The following CYP4A22 variants were observed in gnomAD, a reference collection of about 807,000 sequenced individuals.
CYP4A22 encodes the protein cytochrome P450 4A22.
Under a neutral mutation model 56.2 loss-of-function variants are expected in CYP4A22, and 46 were observed. The ratio of observed to expected loss-of-function variants is 0.82; its 90% confidence interval spans 0.65 to 1.05. The LOEUF (loss-of-function observed/expected upper bound fraction) is 1.05. CYP4A22 is among the 50% of genes least tolerant of loss of function. The pLI is 0.00. For missense variants in CYP4A22, 541 were observed against 645.9 expected, an observed-to-expected ratio of 0.84 and a Z score of 1.76; for synonymous variants, 193 against 251.1, an observed-to-expected ratio of 0.77 and a Z score of 2.19.
chr1:47,142,022 T>G, intron 3 of CYP4A22, 86 bp from the exon 4 acceptor site: 1 of 1,523,764 alleles, frequency 6.6e-7, no homozygotes. Flanking sequence ...GGAAGCCACC[T>G]TTCTCCCTCC....
chr1:47,144,673 C>T lies in CYP4A22; in HGVS notation c.1021C>T (p.Pro341Ser), dbSNP rs369004314. ...SWILYALATH[P>S]KHQERCREEI... ...GATCCTCTATGCTCTGGCCACACAC[C>T]CCAAGCATCAGGAGAGGTGCCGGGA... The change falls in exon 8 of 12, where the codon CCC (proline) becomes TCC (serine). Residue 341 changes from proline to serine, a missense_variant. By Grantham distance (74) the Pro-to-Ser change is moderately conservative (BLOSUM62 -1). Transcript: ENST00000371891. 3 of 1,613,758 alleles carry T rather than the reference C, an allele frequency of 1.9e-6. No homozygotes were observed. Among genetic ancestry groups the T allele is most frequent in the African/African-American group, 2.7e-5 (2 of 74,880 alleles).
In CYP4A22 at chr1:47,146,086, C is replaced by A; in HGVS notation, c.1297C>A (p.Pro433Thr). 1 of 1,614,174 alleles carries A rather than the reference C, an allele frequency of 6.2e-7. No homozygotes were observed. Among genetic ancestry groups the A allele is most frequent in the Non-Finnish European group, 8.5e-7 (1 of 1,180,030 alleles). Residue 433 changes from proline to threonine, a missense_variant, in exon 11 of 12, where the codon CCT (proline) becomes ACT (threonine). Around this residue, in one of 3 missense-constraint regions of CYP4A22, gnomAD observed 204 missense variants for 258.9 expected, o/e 0.79. Coordinates refer to ENST00000371891, the MANE Select transcript of CYP4A22 (RefSeq NM_001010969.4). ...GGTGCTCTCTCTGCAGGTGTTTGAC[C>A]CTTCCCGTTTTGCACCGGGTTCTGC... ...KVWPNLEVFD[P>T]SRFAPGSAQH...
Position 47,144,853 on chromosome 1 carries a change from A to G in CYP4A22, c.1105A>G (p.Met369Val). The G allele has an allele frequency of 6.2e-7, 1 of 1,613,950 alleles. No individual in the cohort carries two copies. Among genetic ancestry groups the G allele is most frequent in the Non-Finnish European group, 8.5e-7 (1 of 1,179,958 alleles). Residue 369 changes from methionine (M) to valine (V), a missense_variant, in exon 9 of 12, where the codon ATG (methionine) becomes GTG (valine). Transcript: ENST00000371891. ...TTGTTTCAGGAACCACCTGGACCAG[A>G]TGCCCTACACCACCATGTGCATTAA... ...ASITWNHLDQ[M>V]PYTTMCIKEA...
intron 11 of CYP4A22, among the ~76,000 whole-genome samples, 199 bp from the exon 12 acceptor site, chr1:47,148,403 G>T (rs1354124959): frequency 1.3e-5 from 2 of 152,180 alleles, no homozygotes; most frequent in Non-Finnish European, 2.9e-5. Flanking sequence ...AGCCCAGGAA[G>T]ACGGCTCTGT....
intron 9 of CYP4A22, among the ~76,000 whole-genome samples, 160 bp downstream of exon 9, chr1:47,145,130 G>C (rs1242312321): frequency 6.6e-6 from 1 of 152,200 alleles, no homozygotes; most frequent in Non-Finnish European, 1.5e-5. Context: ...TGAAAAGTCT[G>C]GCCGAGAGCT....
chr1:47,146,022 G>C, intron 10 of CYP4A22, 55 bp from the exon 11 acceptor site: 2 of 1,614,132 alleles, frequency 1.2e-6, no homozygotes, highest in African/African-American at 2.7e-5. Flanking sequence ...ACCCTCATGG[G>C]TGGCAAGTAG....
chr1:47,143,318 A>G lies in CYP4A22; in HGVS notation c.560A>G (p.Gln187Arg). Residue 187 changes from glutamine to arginine, a missense_variant, in exon 5 of 12, where the codon CAG becomes CGG. By Grantham distance (43) the Gln-to-Arg change is conservative. Transcript: ENST00000371891. ...CAGGATTCCCCTCTGGAGGTCTTTC[A>G]GCACGTCTCCTTGATGACCCTGGAC... ...LGQDSPLEVF[Q>R]HVSLMTLDTI... is the part of the protein sequence containing the mutation. 3 of 1,613,922 alleles carry G rather than the reference A, an allele frequency of 1.9e-6. No individual in the cohort carries two copies. Among genetic ancestry groups the G allele is most frequent in the Non-Finnish European group, 2.5e-6 (3 of 1,179,836 alleles).
chr1:47,141,584 T>G lies in CYP4A22; in HGVS notation c.351T>G (p.His117Gln), dbSNP rs549333757. The G allele has an allele frequency of 1.2e-6, 2 of 1,613,858 alleles. No homozygotes were observed. Among genetic ancestry groups the G allele is most frequent in the African/African-American group, 1.3e-5 (1 of 75,058 alleles). Residue 117 changes from histidine (H) to glutamine (Q), a missense_variant, in exon 3 of 12, where the codon CAT (histidine) becomes CAG (glutamine). Physicochemically the swap from His to Gln is conservative, Grantham distance 24. Around this residue, in one of 3 missense-constraint regions of CYP4A22, gnomAD observed 335 missense variants for 361.2 expected, o/e 0.93. Transcript: ENST00000371891. ...VILGRSDPKS[H>Q]GSYKFLAPRI... is the part of the protein sequence containing the mutation. ...CTTACTTTTCAGACCCGAAATCCCA[T>G]GGATCCTACAAATTCCTGGCTCCAC...
intron 1 of CYP4A22, among the ~76,000 whole-genome samples, chr1:47,138,401 C>A (rs921281203): frequency 6.6e-6 from 1 of 152,162 alleles, no homozygotes; most frequent in Non-Finnish European, 1.5e-5. Context: ...GACCTCCTGG[C>A]TCTCCTCCCA....
At position 47,141,619 on chromosome 1, in the gene CYP4A22, T is replaced by C. The variant is rs201064557; in HGVS notation, c.382+4T>C. 212 of 1,613,858 alleles carry C rather than the reference T, an allele frequency of 1.3e-4. 1 individual carries two copies. The Admixed American group carries it at 2.4e-3, about 18-fold the overall frequency. ...AAATTCCTGGCTCCACGGATTGGTA[T>C]GTGTGCAAACTAGGACTGCAGCCCA... is the stretch of plus-strand genomic sequence containing the variant. On this transcript the variant is annotated splice_donor_region_variant and intron_variant, in intron 3 of 11. Transcript: ENST00000371891.
chr1:47,141,639 A>T lies in CYP4A22; in HGVS notation c.382+24A>T, dbSNP rs775084391. 3.0e-5 allele frequency: 49 copies of T among 1,611,190 alleles called. No individual in the cohort carries two copies. The Admixed American group carries it at 8.2e-4, about 27-fold the overall frequency. On this transcript the variant is annotated intron_variant, in intron 3 of 11. Transcript: ENST00000371891. ...TGGTATGTGTGCAAACTAGGACTGC[A>T]GCCCACTCCCTAGTTAGGTTTGAGT...
At chr1:47,142,048 C>T in intron 3 of CYP4A22, 60 bp from the exon 4 acceptor site, 14 of 1,543,334 alleles carry the variant, frequency 9.1e-6, no homozygotes, top group Non-Finnish European at 1.1e-5. Context: ...TGTCACCAGT[C>T]ATCCCTAGGT....
intron 11 of CYP4A22, among the ~76,000 whole-genome samples, chr1:47,148,208 C>T (rs1645096285): frequency 6.6e-6 from 1 of 152,220 alleles, no homozygotes. Flanking sequence ...CCCACCCTCA[C>T]CCTACAGGAC....
chr1:47,145,498 C>A (rs960392851), intron 9 of CYP4A22, among the ~76,000 whole-genome samples: 1 of 152,160 alleles, frequency 6.6e-6, no homozygotes, highest in Non-Finnish European at 1.5e-5. Flanking sequence ...TCAGGTATCT[C>A]CCCTGAAAAC....
chr1:47,139,247 G>C (rs556582878), intron 1 of CYP4A22, among the ~76,000 whole-genome samples: 4 of 152,312 alleles, frequency 2.6e-5, no homozygotes, highest in Non-Finnish European at 5.9e-5. Context: ...CAGAAGTGAA[G>C]GGCCGACTCT....
chr1:47,139,948 A>G (rs1315088385), intron 1 of CYP4A22, among the ~76,000 whole-genome samples: 1 of 152,228 alleles, frequency 6.6e-6, no homozygotes, highest in East Asian at 1.9e-4. Flanking sequence ...AAGAGTGAGC[A>G]GGTGTAGCTG....
At chr1:47,140,645 C>T (rs1412752875) in intron 1 of CYP4A22, 135 bp from the exon 2 acceptor site, 2 of 1,346,384 alleles carry the variant, frequency 1.5e-6, no homozygotes, top group Non-Finnish European at 2.0e-6. Context: ...GAATCTGGAT[C>T]ACAGCTCAGG....
At chr1:47,139,081 CAT>C (rs1254189875) in intron 1 of CYP4A22, among the ~76,000 whole-genome samples, 1 of 152,222 alleles carries the variant, frequency 6.6e-6, no homozygotes, top group African/African-American at 2.4e-5. Context: ...CCTCTTTTAC[CAT>C]ATGTTACTCA....
At position 47,145,943 on chromosome 1, in the gene CYP4A22, T is replaced by C; in HGVS notation, c.1287+13T>C. The C allele has an allele frequency of 6.2e-7, 1 of 1,614,018 alleles. No individual in the cohort carries two copies. Among genetic ancestry groups the C allele is most frequent in the Non-Finnish European group, 8.5e-7 (1 of 1,179,918 alleles). ...GCCCAACCTAGAGGTATGTGGTCCT[T>C]GAGAGGAGGAAATGGGGTGATCTCT... On this transcript the variant is annotated intron_variant, in intron 10 of 11. Coordinates refer to ENST00000371891, the MANE Select transcript of CYP4A22 (RefSeq NM_001010969.4).
Sources: gnomAD v4.1 joint callset for allele counts (sites outside exome capture counted in the v4.1 genomes callset) on GRCh38, gnomAD v4.1.1 for gene constraint, gnomAD v4.1.1 regional missense constraint, MANE v1.5 for transcripts, NCBI Gene and HGNC (gene_info 2026-07-23, HGNC 2026-07-21) for gene names.